The following DMXL1 variants were observed in gnomAD, a reference collection of about 807,000 sequenced individuals.
DMXL1 encodes Dmx like 1.
A neutral mutation model predicts 319.2 loss-of-function variants in DMXL1; 99 were observed. The observed-to-expected ratio is 0.31, with a 90% confidence interval of 0.26 to 0.37. The LOEUF is 0.37. Ranked by LOEUF, DMXL1 falls within the 10% of genes least tolerant of loss-of-function variation. The pLI, the probability that DMXL1 is intolerant of heterozygous loss-of-function variation, is 1.00. For missense variants in DMXL1, 3,745 were observed against 3,595.6 expected (o/e 1.04, Z -1.06); for synonymous variants, 1,385 against 1,235.2 (o/e 1.12, Z -2.54).
At chr5:119,152,792 A>G (rs1004237165) in intron 19 of DMXL1, among the ~76,000 whole-genome samples, 8 of 152,144 alleles carry the variant, frequency 5.3e-5, no homozygotes, top group Non-Finnish European at 1.2e-4. Context: ...TATTGGAACT[A>G]TAGGTTTAAA....
intron 34 of DMXL1, among the ~76,000 whole-genome samples, chr5:119,213,719 A>G (rs1487711439): frequency 2.0e-5 from 3 of 152,180 alleles, no homozygotes; most frequent in African/African-American, 4.8e-5. Flanking sequence ...TTCACCAGAT[A>G]TCACATTCTC....
rs528078304 is a variant in DMXL1, at chr5:119,236,068, A to G, written c.8467-1254A>G. Among the ~76,000 whole-genome samples, 18 of 152,234 alleles carry G rather than the reference A, an allele frequency of 1.2e-4. No homozygotes were observed. In the South Asian group the frequency reaches 2.9e-3, roughly 25 times the overall value. On this transcript the variant is annotated intron_variant, in intron 39 of 43. Transcript: ENST00000539542. ...AGTCATATCAGTTAAATTTTTTAAA[A>G]GACAAATAGTAGAGAAATAGATAAA... is the stretch of plus-strand genomic sequence containing the variant.
chr5:119,168,074 A>T (rs77988818), intron 23 of DMXL1, among the ~76,000 whole-genome samples: 3 of 152,198 alleles, frequency 2.0e-5, no homozygotes, highest in Non-Finnish European at 1.5e-5. Flanking sequence ...TACAAAATAG[A>T]TTTACATAAA....
Position 119,149,276 on chromosome 5 carries a change from G to A in DMXL1, c.3449G>A (p.Gly1150Asp). ...VHLDWMSREDGSHILTVGIGS... is the reference protein window; with the variant it reads ...VHLDWMSREDDSHILTVGIGS... ...TTAGATTGGATGTCTAGAGAAGACG[G>A]TTCTCATATCCTGACTGTAGGAATT... The change falls in exon 18 of 44, where the codon GGT becomes GAT. Residue 1150 changes from glycine to aspartate, a missense_variant. Around this residue, in one of 4 missense-constraint regions of DMXL1, gnomAD observed 2,096 missense variants for 1,985.4 expected, o/e 1.06. Transcript: ENST00000539542. 6.2e-7 allele frequency: 1 copy of A among 1,613,958 alleles called. No individual in the cohort carries two copies.
At position 119,105,290 on chromosome 5, in the gene DMXL1, A is replaced by G. The variant is rs769228120; in HGVS notation, c.364+32A>G. ...AAATAAGCAGGATTAACTAAAATGA[A>G]ATATCACTTGCCTAGTTGTTCTTAT... On this transcript the variant is annotated intron_variant, in intron 4 of 43. Transcript: ENST00000539542. 2.6e-6 allele frequency: 4 copies of G among 1,509,610 alleles called. No homozygotes were observed. The Admixed American group carries it at 5.0e-5, about 19-fold the overall frequency. The allele number at this position is 1,509,610 out of a possible 1,614,324, so 93.5% of individuals were successfully genotyped here.
chr5:119,108,300 G>A (rs1268256569), intron 4 of DMXL1, among the ~76,000 whole-genome samples: 1 of 152,164 alleles, frequency 6.6e-6, no homozygotes, highest in Non-Finnish European at 1.5e-5. Flanking sequence ...TGCCAAAATT[G>A]CTTGTCTTTT....
intron 15 of DMXL1, among the ~76,000 whole-genome samples, chr5:119,145,872 T>C (rs1768406793): frequency 6.6e-6 from 1 of 151,778 alleles, no homozygotes; most frequent in Admixed American, 6.6e-5. Flanking sequence ...GAAAAATGTT[T>C]TACAAATATT....
chr5:119,157,891 A>C (rs1159120767), intron 19 of DMXL1, among the ~76,000 whole-genome samples: 1 of 152,194 alleles, frequency 6.6e-6, no homozygotes, highest in African/African-American at 2.4e-5. Context: ...ATTGCGTTGA[A>C]TCTGTAGATC....
At chr5:119,090,331 A>G (rs963253133) in intron 1 of DMXL1, among the ~76,000 whole-genome samples, 6 of 151,364 alleles carry the variant, frequency 4.0e-5, no homozygotes, top group African/African-American at 1.5e-4. Flanking sequence ...ACTTGGGGTT[A>G]GTATTATTTG....
chr5:119,149,648 G>C lies in DMXL1; in HGVS notation c.3821G>C (p.Gly1274Ala). ...SLIKQSNSSS[G>A]LHPPKKTLTR... ...ATAAAACAGAGTAACTCCAGTTCTG[G>C]GTTACATCCTCCAAAGAAAACTCTG... The change falls in exon 18 of 44, where the codon GGG becomes GCG. Residue 1274 changes from glycine to alanine, a missense_variant. Around this residue, in one of 4 missense-constraint regions of DMXL1, gnomAD observed 2,096 missense variants for 1,985.4 expected, o/e 1.06. Transcript: ENST00000539542. 2 of 1,613,836 alleles carry C rather than the reference G, an allele frequency of 1.2e-6. No homozygotes were observed. Among genetic ancestry groups the C allele is most frequent in the Non-Finnish European group, 1.7e-6 (2 of 1,179,890 alleles).
rs1179188670 is a variant in DMXL1 at position 119,247,895 on chromosome 5, G to A, written c.*676G>A. On this transcript the variant is annotated 3_prime_UTR_variant, in exon 44 of 44. Transcript: ENST00000539542. Reference sequence around the variant, plus strand: ...GAAAACTGGTTTTTCATGTGTTTTTGTGCCATAACAACTATTGCCACCAGA... The same window carrying A: ...GAAAACTGGTTTTTCATGTGTTTTTATGCCATAACAACTATTGCCACCAGA... The A allele has an allele frequency of 6.7e-6, 1 of 149,402 alleles. No homozygotes were observed. The highest frequency in any genetic ancestry group is 1.5e-5 in the Non-Finnish European group (1 of 67,530). The allele number at this position is 149,402 out of a possible 1,614,324, so 9.3% of individuals were successfully genotyped here. A position where few individuals can be genotyped will look rare whatever the true frequency, so the allele number is the denominator to read the frequency against.
chr5:119,115,341 A>G (rs1276445486), intron 6 of DMXL1, among the ~76,000 whole-genome samples: 2 of 152,222 alleles, frequency 1.3e-5, no homozygotes, highest in African/African-American at 4.8e-5. Context: ...CTAGAAAGAT[A>G]CTAGTAACCA....
At chr5:119,155,851 T>C (rs1770929151) in intron 19 of DMXL1, among the ~76,000 whole-genome samples, 1 of 141,854 alleles carries the variant, frequency 7.0e-6, no homozygotes, top group Non-Finnish European at 1.5e-5. Context: ...AAAACAAAAC[T>C]TCAGCAGATG....
intron 43 of DMXL1, among the ~76,000 whole-genome samples, chr5:119,244,866 C>T (rs1036625633): frequency 6.6e-6 from 1 of 152,120 alleles, no homozygotes; most frequent in Non-Finnish European, 1.5e-5. Flanking sequence ...TTCAGAGTTA[C>T]ATAATTTACT....
rs915073655 is a variant in DMXL1, at chr5:119,144,750, G to C, written c.2569+112G>C. The C allele has an allele frequency of 6.5e-6, 4 of 615,242 alleles. No homozygotes were observed. In the Admixed American group the frequency reaches 1.3e-4, roughly 20 times the overall value. 38.1% of individuals were successfully genotyped at this position (615,242 alleles called of 1,614,324 possible). ...TTGTCTATTTGAAGTAAAAATTGGG[G>C]TAGGTTTGTTTATTAAATATTTATC... On this transcript the variant is annotated intron_variant, in intron 15 of 43. Coordinates refer to ENST00000539542, the MANE Select transcript of DMXL1 (RefSeq NM_001290321.3).
At chr5:119,097,246 G>C (rs1246997125) in intron 1 of DMXL1, among the ~76,000 whole-genome samples, 2 of 152,240 alleles carry the variant, frequency 1.3e-5, no homozygotes, top group African/African-American at 4.8e-5. Flanking sequence ...TCCAAGTGCA[G>C]TGGAAAACTG....
chr5:119,208,493 T>C (rs1782147533), intron 34 of DMXL1, among the ~76,000 whole-genome samples: 1 of 152,144 alleles, frequency 6.6e-6, no homozygotes, highest in Admixed American at 6.5e-5. Flanking sequence ...GGATTACAGG[T>C]GTGAGACACC....
intron 34 of DMXL1, among the ~76,000 whole-genome samples, chr5:119,207,299 TA>T (rs564133067): frequency 5.9e-5 from 9 of 152,242 alleles, no homozygotes; most frequent in Non-Finnish European, 1.0e-4. Context: ...TTAATGATAT[TA>T]AAAAATTCAA....
intron 1 of DMXL1, among the ~76,000 whole-genome samples, chr5:119,094,767 T>TTTCC (rs1355099859): frequency 6.6e-6 from 1 of 151,806 alleles, no homozygotes; most frequent in Non-Finnish European, 1.5e-5. Flanking sequence ...ACCAAGAGTA[T>TTTCC]GGAAGAAGTT....
Sources: gnomAD v4.1 joint callset for allele counts (sites outside exome capture counted in the v4.1 genomes callset) on GRCh38, gnomAD v4.1.1 for gene constraint, gnomAD v4.1.1 regional missense constraint, MANE v1.5 for transcripts, NCBI Gene and HGNC (gene_info 2026-07-23, HGNC 2026-07-21) for gene names.